Variants in IL1RAPL2 observed in about 807,000 individuals in gnomAD.
IL1RAPL2 encodes X-linked interleukin-1 receptor accessory protein-like 2.
Under a neutral mutation model 44.1 loss-of-function variants are expected in IL1RAPL2, and 3 were observed. The observed-to-expected ratio is 0.07, with a 90% confidence interval of 0.03 to 0.18. The LOEUF (loss-of-function observed/expected upper bound fraction) is 0.18, where lower values mean the gene tolerates loss of function less well. Ranked by LOEUF, IL1RAPL2 falls within the 10% of genes least tolerant of loss-of-function variation. The pLI is 1.00. For missense variants in IL1RAPL2, 391 were observed against 496.4 expected, an observed-to-expected ratio of 0.79 and a Z score of 2.02; for synonymous variants, 181 against 178.8, an observed-to-expected ratio of 1.01 and a Z score of -0.10.
intron 5 of IL1RAPL2, among the ~76,000 whole-genome samples, chrX:105,288,570 T>C (rs2034588521): frequency 8.9e-6 from 1 of 111,913 alleles, no homozygotes; most frequent in Non-Finnish European, 1.9e-5. Context: ...TTTATATAAC[T>C]TCTAAATATA....
intron 3 of IL1RAPL2, among the ~76,000 whole-genome samples, chrX:105,229,249 G>A (rs782515364): frequency 2.7e-5 from 3 of 111,977 alleles, no homozygotes; most frequent in African/African-American, 6.5e-5. Context: ...TTGTTAGCAC[G>A]AACTGTGCCA....
At chrX:104,741,813 A>G (rs1231190554) in intron 2 of IL1RAPL2, among the ~76,000 whole-genome samples, 1 of 111,063 alleles carries the variant, frequency 9.0e-6, no homozygotes, top group Non-Finnish European at 1.9e-5. Flanking sequence ...TAGGAGCATC[A>G]ATTTTGACAT....
At chrX:104,884,957 G>A (rs1923189556) in intron 2 of IL1RAPL2, among the ~76,000 whole-genome samples, 2 of 111,223 alleles carry the variant, frequency 1.8e-5, no homozygotes, top group African/African-American at 6.5e-5. Context: ...CAAGCTGTAG[G>A]GGGAATGGAA....
chrX:104,828,507 T>C (rs750531328), intron 2 of IL1RAPL2, among the ~76,000 whole-genome samples: 1 of 111,770 alleles, frequency 8.9e-6, no homozygotes, highest in African/African-American at 3.3e-5. Context: ...GGAAGCTTTG[T>C]CCCAGAGGGG....
At chrX:105,699,983 C>T (rs1602528721) in intron 6 of IL1RAPL2, among the ~76,000 whole-genome samples, 1 of 111,581 alleles carries the variant, frequency 9.0e-6, no homozygotes, top group East Asian at 2.8e-4. Flanking sequence ...TCAGGAGTAT[C>T]TGTTGTTTTG....
At chrX:104,866,033 A>G (rs373613643) in intron 2 of IL1RAPL2, among the ~76,000 whole-genome samples, 3 of 112,502 alleles carry the variant, frequency 2.7e-5, no homozygotes, top group Non-Finnish European at 5.6e-5. Context: ...CTTTCCTTCT[A>G]TAGTGACCAC....
intron 5 of IL1RAPL2, among the ~76,000 whole-genome samples, chrX:105,358,369 T>C (rs1321397686): frequency 9.1e-6 from 1 of 110,012 alleles, no homozygotes; most frequent in Non-Finnish European, 1.9e-5. Flanking sequence ...TCTTTTTTTT[T>C]TTTTTTTCTT....
At chrX:105,025,449 G>C (rs2031353671) in intron 2 of IL1RAPL2, among the ~76,000 whole-genome samples, 1 of 110,896 alleles carries the variant, frequency 9.0e-6, no homozygotes, top group Non-Finnish European at 1.9e-5. Flanking sequence ...TGTGTTTCTG[G>C]CCTGCCGCTA....
chrX:105,530,098 GA>G (rs1262095440), intron 6 of IL1RAPL2, among the ~76,000 whole-genome samples: 1 of 111,971 alleles, frequency 8.9e-6, no homozygotes, highest in Non-Finnish European at 1.9e-5. Flanking sequence ...TGGAATGGGG[GA>G]ACATATGGTA....
Position 104,851,691 on chromosome X carries a change from T to C in IL1RAPL2, c.82+192696T>C, listed in dbSNP as rs779451282. Among the ~76,000 whole-genome samples, 66 of 111,735 alleles carry C rather than the reference T, an allele frequency of 5.9e-4. 1 individual carries two copies. The highest frequency in any genetic ancestry group is 2.0e-3 in the African/African-American group (63 of 30,778). The stretch of plus-strand genomic sequence containing the variant: ...TTTCTAACACTGTCTTGGTCTGTTG[T>C]GTTGCTGTAACAGAATACCTGAGAC... On this transcript the variant is annotated intron_variant, in intron 2 of 10. Coordinates refer to ENST00000372582, the MANE Select transcript of IL1RAPL2 (RefSeq NM_017416.2).
At chrX:105,423,914 G>A (rs773169371) in intron 5 of IL1RAPL2, among the ~76,000 whole-genome samples, 1 of 109,450 alleles carries the variant, frequency 9.1e-6, no homozygotes, top group Admixed American at 9.7e-5. Context: ...TTTAGATCTT[G>A]ACCAAATTTG....
intron 2 of IL1RAPL2, among the ~76,000 whole-genome samples, chrX:104,955,386 C>T (rs1240621876): frequency 2.7e-5 from 3 of 109,489 alleles, no homozygotes; most frequent in Non-Finnish European, 5.7e-5. Flanking sequence ...GTAGATAGTC[C>T]TTTCTAAGCT....
chrX:104,773,959 C>T (rs1932679830), intron 2 of IL1RAPL2, among the ~76,000 whole-genome samples: 1 of 112,109 alleles, frequency 8.9e-6, no homozygotes, highest in African/African-American at 3.2e-5. Flanking sequence ...TGTATAACTA[C>T]CCGTAGTGCC....
intron 2 of IL1RAPL2, among the ~76,000 whole-genome samples, chrX:104,949,860 AGGTGT>A (rs928379851): frequency 3.6e-5 from 4 of 111,098 alleles, no homozygotes; most frequent in Non-Finnish European, 1.9e-5. Context: ...GTTTTGGAAT[AGGTGT>A]GGTGTGGTGC....
At chrX:105,753,086 G>T (rs893673188) in intron 9 of IL1RAPL2, 5 of 314,761 alleles carry the variant, frequency 1.6e-5, no homozygotes, top group South Asian at 1.4e-4. Flanking sequence ...CTTTCTAGGG[G>T]TAAGTCTTTG....
chrX:105,447,664 T>A (rs2035978518), intron 5 of IL1RAPL2, among the ~76,000 whole-genome samples: 1 of 79,814 alleles, frequency 1.3e-5, no homozygotes, highest in East Asian at 4.3e-4. Context: ...TAAATAAATA[T>A]AAATATATAT....
chrX:104,983,743 T>A (rs2030510238), intron 2 of IL1RAPL2, among the ~76,000 whole-genome samples: 1 of 103,582 alleles, frequency 9.7e-6, no homozygotes, highest in African/African-American at 3.5e-5. Flanking sequence ...TATATATATA[T>A]AAATATTTGA....
At chrX:105,240,702 C>T (rs1369594327) in intron 4 of IL1RAPL2, among the ~76,000 whole-genome samples, 1 of 111,716 alleles carries the variant, frequency 9.0e-6, no homozygotes, top group Non-Finnish European at 1.9e-5. Context: ...CTGTGGTCTA[C>T]AATAAATTAA....
chrX:104,763,263 T>A (rs185387854), intron 2 of IL1RAPL2, among the ~76,000 whole-genome samples: 9 of 111,981 alleles, frequency 8.0e-5, no homozygotes, highest in African/African-American at 2.6e-4. Context: ...AAGTTCCTCA[T>A]CTCCATGTGA....
Sources: allele counts gnomAD v4.1 joint callset (sites outside exome capture counted in the v4.1 genomes callset), GRCh38; gene constraint gnomAD v4.1.1; transcripts MANE v1.5; gene names NCBI Gene and HGNC (gene_info 2026-07-23, HGNC 2026-07-21).